The following DSC3 variants were observed in gnomAD, a reference collection of about 807,000 sequenced individuals.
The protein encoded by DSC3 is desmocollin-3.
Under a neutral mutation model 89.5 loss-of-function variants are expected in DSC3, and 97 were observed. The ratio of observed to expected loss-of-function variants is 1.08; its 90% CI spans 0.92 to 1.28. The LOEUF (loss-of-function observed/expected upper bound fraction) is 1.28. Among genes scored for constraint, DSC3 ranks in the 50% most tolerant of loss-of-function variants. DSC3 has a pLI of 0.00. For missense variants in DSC3, 1,199 were observed against 1,085.3 expected (o/e 1.10, Z -1.47); for synonymous variants, 436 against 384.1 (o/e 1.14, Z -1.58).
At chr18:30,994,555 T>G in intron 15 of DSC3, 183 bp from the exon 16 acceptor site, 2 of 1,363,420 alleles carry the variant, frequency 1.5e-6, no homozygotes, top group East Asian at 2.5e-5. Flanking sequence ...AAAGTCAGTA[T>G]AGTTTACATT....
intron 10 of DSC3, 45 bp downstream of exon 10, chr18:31,008,224 G>T (rs750020546): frequency 1.2e-6 from 2 of 1,610,284 alleles, no homozygotes; most frequent in South Asian, 1.1e-5. Context: ...CTATCTCAAT[G>T]ATTACAAATA....
intron 15 of DSC3, 104 bp downstream of exon 15, chr18:30,996,687 G>C (rs1984476658): frequency 7.2e-7 from 1 of 1,395,042 alleles, no homozygotes; most frequent in Admixed American, 2.0e-5. Flanking sequence ...GCAAGCAAGA[G>C]AGAGCCCACA....
chr18:31,042,718 C>A lies in DSC3; in HGVS notation c.-58G>T. On this transcript the variant is annotated 5_prime_UTR_variant, in exon 1 of 16. Transcript: ENST00000360428. The stretch of plus-strand genomic sequence containing the variant: ...CGCCGGGAGGGTGCCGAGAGCGAGA[C>A]CTGCCGAGGTGCAGGGCGCGGGAGG... 1 of 1,492,318 alleles carries A rather than the reference C, an allele frequency of 6.7e-7. No homozygotes were observed. Among genetic ancestry groups the A allele is most frequent in the Non-Finnish European group, 9.1e-7 (1 of 1,101,518 alleles). 92.4% of individuals were successfully genotyped at this position (1,492,318 alleles called of 1,614,324 possible). A position where few individuals can be genotyped will look rare whatever the true frequency, so the allele number is the denominator to read the frequency against.
chr18:31,000,539 C>T (rs1188627738), intron 14 of DSC3, among the ~76,000 whole-genome samples: 2 of 152,152 alleles, frequency 1.3e-5, no homozygotes, highest in African/African-American at 2.4e-5. Context: ...TTTAGAAGTC[C>T]TATCTCCCAC....
intron 15 of DSC3, among the ~76,000 whole-genome samples, chr18:30,995,996 A>AGAAAT (rs1555631967): frequency 7.3e-6 from 1 of 136,480 alleles, no homozygotes; most frequent in African/African-American, 3.0e-5. Context: ...AAAAAAAAAA[A>AGAAAT]AAAGAAAAGA....
At chr18:31,023,013 C>T (rs973489605) in intron 6 of DSC3, among the ~76,000 whole-genome samples, 1 of 152,114 alleles carries the variant, frequency 6.6e-6, no homozygotes, top group South Asian at 2.1e-4. Context: ...TTTTAATAAA[C>T]CGGTTTAGTA....
At chr18:30,998,489 A>G (rs1381984841) in intron 14 of DSC3, among the ~76,000 whole-genome samples, 1 of 152,188 alleles carries the variant, frequency 6.6e-6, no homozygotes, top group East Asian at 1.9e-4. Flanking sequence ...GCGGATTTGG[A>G]ACTCAGATGA....
At chr18:31,020,282 A>C (rs1303343160) in intron 7 of DSC3, among the ~76,000 whole-genome samples, 2 of 152,156 alleles carry the variant, frequency 1.3e-5, no homozygotes, top group Non-Finnish European at 2.9e-5. Context: ...AGAGCCTCGG[A>C]TGTAAGGACC....
intron 13 of DSC3, among the ~76,000 whole-genome samples, chr18:31,003,719 T>A (rs1324764635): frequency 1.3e-5 from 2 of 152,130 alleles, no homozygotes; most frequent in South Asian, 4.1e-4. Context: ...TGGCAAGATA[T>A]ACCCAAGAAG....
At chr18:31,040,408 T>C (rs777230211) in intron 1 of DSC3, among the ~76,000 whole-genome samples, 6 of 152,178 alleles carry the variant, frequency 3.9e-5, no homozygotes, top group Non-Finnish European at 5.9e-5. Context: ...TCTGGTTACA[T>C]TAAGAGGAAA....
At chr18:31,021,214 T>A (rs1451493541) in intron 7 of DSC3, among the ~76,000 whole-genome samples, 2 of 152,094 alleles carry the variant, frequency 1.3e-5, no homozygotes, top group Non-Finnish European at 2.9e-5. Context: ...TGTGGACCCC[T>A]AAATTTAATT....
Position 31,006,928 on chromosome 18 carries a change from A to G in DSC3, c.1867T>C (p.Trp623Arg). Residue 623 changes from tryptophan to arginine, a missense_variant, in exon 12 of 16, where the codon TGG becomes CGG. Trp to Arg is a moderately radical substitution (Grantham distance 101, BLOSUM62 -3). Coordinates refer to ENST00000360428, the MANE Select transcript of DSC3 (RefSeq NM_001941.5). ...PNTSPEISRL[W>R]SLTKVNDTAA... ...ATACCATTAACTTTGGTGAGGCTCC[A>G]CAGTCTACTGATTTCTGGAGAAGTA... 6.2e-7 allele frequency: 1 copy of G among 1,613,482 alleles called. No individual in the cohort carries two copies. Among genetic ancestry groups the G allele is most frequent in the Non-Finnish European group, 8.5e-7 (1 of 1,179,562 alleles).
chr18:31,037,496 C>T (rs1344432264), intron 1 of DSC3, among the ~76,000 whole-genome samples: 3 of 152,172 alleles, frequency 2.0e-5, no homozygotes, highest in Admixed American at 2.0e-4. Flanking sequence ...TTGTTTCTAA[C>T]TTAAAGAGAA....
At position 30,996,865 on chromosome 18, in the gene DSC3, C is replaced by G. The variant is rs754936507; in HGVS notation, c.2419G>C (p.Gly807Arg). 1.9e-6 allele frequency: 3 copies of G among 1,613,820 alleles called. No individual in the cohort carries two copies. Among genetic ancestry groups the G allele is most frequent in the Non-Finnish European group, 2.5e-6 (3 of 1,179,996 alleles). ...HHHTLDSCRG[G>R]HTEVDNCRYT... ...CTGCAGTTGTCCACCTCCGTGTGTC[C>G]TCCCCTGCAGGAGTCCAGGGTATGA... is the stretch of plus-strand genomic sequence containing the variant. The change falls in exon 15 of 16, where the codon GGA becomes CGA. Residue 807 changes from glycine to arginine, a missense_variant. Transcript: ENST00000360428.
chr18:31,032,328 A>C (rs1985819743), intron 1 of DSC3, 52 bp from the exon 2 acceptor site: 1 of 1,366,804 alleles, frequency 7.3e-7, no homozygotes, highest in South Asian at 1.2e-5. Flanking sequence ...ATTAAAAAAA[A>C]CATAATCATA....
intron 9 of DSC3, among the ~76,000 whole-genome samples, chr18:31,013,077 C>A (rs1054219626): frequency 6.6e-6 from 1 of 152,182 alleles, no homozygotes; most frequent in Middle Eastern, 3.4e-3. Flanking sequence ...TGGAACACTG[C>A]AAATACTAAA....
rs1985316310 is a variant in DSC3 at position 31,018,699 on chromosome 18, T to G, written c.1044A>C (p.Ser348=). The change falls in exon 8 of 16, where the codon TCA becomes TCC. Residue 348 remains serine (S), a synonymous_variant. Coordinates refer to ENST00000360428, the MANE Select transcript of DSC3 (RefSeq NM_001941.5). ...TSTCIITVTD[S]NDNAPTFRQN... ...GTCTGAAAGTGGGTGCATTATCATT[T>G]GAATCTGTTACTGTTATGATACAAG... The G allele has an allele frequency of 2.5e-6, 4 of 1,613,624 alleles. No homozygotes were observed. The East Asian group carries it at 8.9e-5, about 36-fold the overall frequency.
At chr18:31,018,589 A>T in intron 8 of DSC3, 77 bp downstream of exon 8, 1 of 1,449,674 alleles carries the variant, frequency 6.9e-7, no homozygotes, top group Non-Finnish European at 9.6e-7. Context: ...TTCATGAAGT[A>T]TTAATTTTAT....
At chr18:31,010,843 C>T (rs988896936) in intron 9 of DSC3, among the ~76,000 whole-genome samples, 5 of 152,220 alleles carry the variant, frequency 3.3e-5, no homozygotes, top group African/African-American at 1.2e-4. Context: ...CAGCAAAAGC[C>T]TGTATCACTC....
Sources: gnomAD v4.1 joint callset for allele counts (sites outside exome capture counted in the v4.1 genomes callset) on GRCh38, gnomAD v4.1.1 for gene constraint, MANE v1.5 for transcripts, NCBI Gene and HGNC (gene_info 2026-07-23, HGNC 2026-07-21) for gene names.